Variants in KCTD1 observed in about 807,000 individuals in gnomAD.
KCTD1 encodes the protein BTB/POZ domain-containing protein KCTD1.
A neutral mutation model predicts 66.0 loss-of-function variants in KCTD1; 24 were observed. That is an observed-to-expected ratio of 0.36 (90% CI 0.26 to 0.51). The LOEUF is 0.51. Ranked by LOEUF, KCTD1 falls within the 20% of genes least tolerant of loss-of-function variation. The probability of loss-of-function intolerance (pLI) is 0.95; values close to 1 mark genes in which losing one functional copy is unlikely to be tolerated. For missense variants in KCTD1, 943 were observed against 1,205.2 expected (o/e 0.78, Z 3.22); for synonymous variants, 511 against 517.2 (o/e 0.99, Z 0.16).
intron 1 of KCTD1, among the ~76,000 whole-genome samples, chr18:26,606,503 CA>C (rs778545003): frequency 6.6e-6 from 1 of 152,168 alleles, no homozygotes. Context: ...CTTGCTGGGG[CA>C]ATGGAATGTG....
intron 1 of KCTD1, among the ~76,000 whole-genome samples, chr18:26,522,231 G>GC (rs1239504488): frequency 6.6e-6 from 1 of 152,170 alleles, no homozygotes; most frequent in Admixed American, 6.5e-5. Flanking sequence ...AATAGGGTGG[G>GC]CCCCAAGCCA....
In KCTD1 at chr18:26,547,151, G is replaced by A. The variant is rs1985279824; in HGVS notation, c.1386C>T (p.Asn462=). Residue 462 remains asparagine (N), a synonymous_variant, in exon 1 of 5, where the codon AAC becomes AAT. Transcript: ENST00000580059. ...GCTTGGTGCCAATGCCCGCGATGCT[G>A]TTGAGCGTGGCGATGGAGACGGCGC... is the stretch of plus-strand genomic sequence containing the variant. ...CIGAVSIATL[N]SIAGIGTKLG... 6.4e-7 allele frequency: 1 copy of A among 1,551,038 alleles called. No homozygotes were observed. The highest frequency in any genetic ancestry group is 8.7e-7 in the Non-Finnish European group (1 of 1,147,002).
chr18:26,562,951 C>T (rs551837710), intron 1 of KCTD1, among the ~76,000 whole-genome samples: 46 of 152,296 alleles, frequency 3.0e-4, no homozygotes, highest in African/African-American at 8.9e-4. Context: ...GCAGGGTTAG[C>T]GCTTCAGCAT....
chr18:26,471,895 G>A (rs538300376), intron 3 of KCTD1, among the ~76,000 whole-genome samples: 1 of 152,208 alleles, frequency 6.6e-6, no homozygotes, highest in Non-Finnish European at 1.5e-5. Context: ...GGAGTCCAGA[G>A]AGCTGCTGGG....
rs1598922620 is a variant in KCTD1 at position 26,532,270 on chromosome 18, T to TC, written c.1809+14457_1809+14458insG. 9.1e-5 allele frequency among the ~76,000 whole-genome samples: 6 copies of TC among 66,060 alleles called. No homozygotes were observed. The East Asian group carries it at 2.7e-3, about 30-fold the overall frequency. The allele number at this position is 66,060 out of a possible 152,430, so 43.3% of individuals were successfully genotyped here. On this transcript the variant is annotated intron_variant, in intron 1 of 4. Coordinates refer to ENST00000580059, the MANE Select transcript of KCTD1 (RefSeq NM_001142730.3). Reference sequence around the variant, plus strand: ...TTTCTTTTCTTTCCTTCTTTTTTTTTTTTTTTTTTTTTTTTTTGAGACAGG... The same window carrying TC: ...TTTCTTTTCTTTCCTTCTTTTTTTTTCTTTTTTTTTTTTTTTTTGAGACAGG...
chr18:26,611,593 C>T (rs897372848), intron 1 of KCTD1, among the ~76,000 whole-genome samples: 7 of 152,156 alleles, frequency 4.6e-5, no homozygotes, highest in Admixed American at 2.6e-4. Flanking sequence ...TAAGGTGATC[C>T]GCCTGCCTTG....
upstream of KCTD1, chr18:26,548,682 G>A (rs1985401861): frequency 1.0e-6 from 1 of 1,003,238 alleles, no homozygotes; most frequent in Non-Finnish European, 1.2e-6. Flanking sequence ...TCATTCCCGA[G>A]CGCAGCTCCG....
At chr18:26,512,095 G>A (rs1370147858) in intron 1 of KCTD1, among the ~76,000 whole-genome samples, 4 of 152,078 alleles carry the variant, frequency 2.6e-5, no homozygotes, top group Non-Finnish European at 5.9e-5. Flanking sequence ...GAGTCTCTGG[G>A]AACCTCCTCT....
intron 1 of KCTD1, among the ~76,000 whole-genome samples, chr18:26,593,882 TAAGGAG>T (rs1568004045): frequency 2.3e-5 from 2 of 88,260 alleles, no homozygotes; most frequent in Admixed American, 1.2e-4. Context: ...AAGAGGAAGA[TAAGGAG>T]GAGGAGGAGG....
upstream of KCTD1, among the ~76,000 whole-genome samples, chr18:26,632,333 C>A (rs1451971973): frequency 6.6e-6 from 1 of 151,854 alleles, no homozygotes; most frequent in African/African-American, 2.4e-5. Context: ...TTACAGCAAG[C>A]CAAGATTGCA....
chr18:26,509,667 T>C (rs1983234629), intron 1 of KCTD1, among the ~76,000 whole-genome samples: 1 of 152,190 alleles, frequency 6.6e-6, no homozygotes. Flanking sequence ...AAGTATCTAA[T>C]ACATTGAATA....
At chr18:26,640,909 A>T (rs1267802835), upstream of KCTD1, among the ~76,000 whole-genome samples, 1 of 152,170 alleles carries the variant, frequency 6.6e-6, no homozygotes, top group Non-Finnish European at 1.5e-5. Flanking sequence ...AGAGAGGACA[A>T]GGACGGCAGA....
At position 26,548,310 on chromosome 18, in the gene KCTD1, T is replaced by A. The variant is rs1489157653; in HGVS notation, c.227A>T (p.Glu76Val). 5 of 1,501,954 alleles carry A rather than the reference T, an allele frequency of 3.3e-6. No homozygotes were observed. The South Asian group carries it at 3.8e-5, about 11-fold the overall frequency. The allele number at this position is 1,501,954 out of a possible 1,614,324, so 93.0% of individuals were successfully genotyped here. A position where few individuals can be genotyped will look rare whatever the true frequency, so the allele number is the denominator to read the frequency against. ...CCCCCCACCTCCGTCCTCCTCCTCC[T>A]CCTCGTCCCCCGTTATCTGCACCTC... ...IQEVQITGDE[E>V]EEEDGGGGLE... The change falls in exon 1 of 5, where the codon GAG becomes GTG. Residue 76 changes from glutamate (E) to valine (V), a missense_variant. Physicochemically the swap from Glu to Val is moderately radical, Grantham distance 121. Transcript: ENST00000580059.
At chr18:26,533,826 T>C (rs1257972276) in intron 1 of KCTD1, among the ~76,000 whole-genome samples, 1 of 73,224 alleles carries the variant, frequency 1.4e-5, no homozygotes, top group Admixed American at 1.6e-4. Context: ...AAGCTATTAT[T>C]TAAAAAAAAA....
intron 1 of KCTD1, among the ~76,000 whole-genome samples, chr18:26,512,333 G>A (rs886726003): frequency 1.4e-4 from 21 of 151,722 alleles, no homozygotes; most frequent in African/African-American, 5.1e-4. Context: ...GAACTCCTGA[G>A]CTCAGGCAAT....
At chr18:26,479,419 C>T (rs577352953) in intron 2 of KCTD1, among the ~76,000 whole-genome samples, 1 of 152,366 alleles carries the variant, frequency 6.6e-6, no homozygotes, top group Non-Finnish European at 1.5e-5. Context: ...CCGCAGACCC[C>T]CCGCCAGGCC....
At chr18:26,598,206 A>AT (rs1213024310) in intron 1 of KCTD1, among the ~76,000 whole-genome samples, 1 of 152,218 alleles carries the variant, frequency 6.6e-6, no homozygotes, top group Non-Finnish European at 1.5e-5. Flanking sequence ...GAATCATAGA[A>AT]TATATGACCT....
chr18:26,534,744 T>C (rs981812299), intron 1 of KCTD1, among the ~76,000 whole-genome samples: 6 of 152,206 alleles, frequency 3.9e-5, no homozygotes, highest in Non-Finnish European at 2.9e-5. Context: ...ATGATTCATG[T>C]AACTTTAACT....
At chr18:26,500,971 C>A in intron 2 of KCTD1, 101 bp downstream of exon 2, 2 of 1,304,748 alleles carry the variant, frequency 1.5e-6, no homozygotes, top group Non-Finnish European at 2.1e-6. Context: ...TCACATCCTG[C>A]CCCCTGCCTC....
Sources: gnomAD v4.1 joint callset for allele counts (sites outside exome capture counted in the v4.1 genomes callset) on GRCh38, gnomAD v4.1.1 for gene constraint, MANE v1.5 for transcripts, NCBI Gene and HGNC (gene_info 2026-07-23, HGNC 2026-07-21) for gene names.